The following IDH1 variants were observed in gnomAD, a reference collection of about 807,000 sequenced individuals.
IDH1 encodes isocitrate dehydrogenase [NADP] cytoplasmic.
A neutral mutation model predicts 46.1 loss-of-function variants in IDH1; 33 were observed. That is an observed-to-expected ratio of 0.72 (90% CI 0.54 to 0.96). The LOEUF (loss-of-function observed/expected upper bound fraction) is 0.96, where lower values mean the gene tolerates loss of function less well. Among genes scored for constraint, IDH1 ranks in the 40% least tolerant of loss-of-function variants. IDH1 has a pLI of 0.00. For synonymous variants in IDH1, 144 were observed against 172.8 expected (o/e 0.83, Z 1.31); for missense variants, 421 against 515.7 (o/e 0.82, Z 1.78).
At chr2:208,238,604 A>G (rs1423246147) in intron 9 of IDH1, among the ~76,000 whole-genome samples, 1 of 152,198 alleles carries the variant, frequency 6.6e-6, no homozygotes, top group African/African-American at 2.4e-5. Flanking sequence ...CACTTTTCTC[A>G]TCAGTAAGTT....
At chr2:208,249,193 CTTT>C (rs536892104) in intron 3 of IDH1, among the ~76,000 whole-genome samples, 3 of 140,766 alleles carry the variant, frequency 2.1e-5, no homozygotes, top group Admixed American at 7.1e-5. Flanking sequence ...GAGCCTTTCC[CTTT>C]TTTTTTTTTT....
At chr2:208,239,779 A>T in intron 8 of IDH1, 84 bp downstream of exon 8, 1 of 1,388,276 alleles carries the variant, frequency 7.2e-7, no homozygotes, top group Non-Finnish European at 1.0e-6. Flanking sequence ...CTTTGCACAC[A>T]AAACACTGAG....
At chr2:208,245,779 A>AC (rs71412485) in intron 4 of IDH1, among the ~76,000 whole-genome samples, 1,032 of 20,916 alleles carry the variant, frequency 0.049, 36 homozygotes, top group African/African-American at 0.1. Flanking sequence ...AGGGTATTAG[A>AC]CCCCCCCCCC....
At chr2:208,250,245 C>T (rs1216286175) in intron 3 of IDH1, among the ~76,000 whole-genome samples, 2 of 151,912 alleles carry the variant, frequency 1.3e-5, no homozygotes, top group Non-Finnish European at 2.9e-5. Context: ...AGGAAAAGAA[C>T]CCTGCCAGTT....
chr2:208,236,779 C>T lies in IDH1; in HGVS notation c.*300G>A. ...CCTTTTGAGCAATCTTGATTTTGGT[C>T]ATTTATAATTAGAACATGAGAAAAA... On this transcript the variant is annotated 3_prime_UTR_variant, in exon 10 of 10. Coordinates refer to ENST00000345146, the MANE Select transcript of IDH1 (RefSeq NM_005896.4). 2.6e-6 allele frequency: 1 copy of T among 377,990 alleles called. No homozygotes were observed. The highest frequency in any genetic ancestry group is 4.8e-6 in the Non-Finnish European group (1 of 207,462). The allele number at this position is 377,990 out of a possible 1,614,324, so 23.4% of individuals were successfully genotyped here.
rs201477228 is a variant in IDH1, at chr2:208,239,961, G to A, written c.893C>T (p.Pro298Leu). Residue 298 changes from proline to leucine, a missense_variant, in exon 8 of 10, where the codon CCA becomes CTA. Physicochemically the swap from Pro to Leu is moderately conservative, Grantham distance 98. Coordinates refer to ENST00000345146, the MANE Select transcript of IDH1 (RefSeq NM_005896.4). ...LGMMTSVLVC[P>L]DGKTVEAEAA... ...CTCTGCTTCTACTGTCTTGCCATCT[G>A]GACAAACCAGCACGCTGGTCATCAT... The A allele has an allele frequency of 6.2e-7, 1 of 1,614,140 alleles. No individual in the cohort carries two copies. Among genetic ancestry groups the A allele is most frequent in the Non-Finnish European group, 8.5e-7 (1 of 1,180,008 alleles).
chr2:208,245,455 A>G (rs751878699), intron 4 of IDH1, 31 bp from the exon 5 acceptor site: 1 of 1,199,444 alleles, frequency 8.3e-7, no homozygotes, highest in South Asian at 1.2e-5. Context: ...TATAAAGAAA[A>G]AAAAAATACC....
At position 208,240,248 on chromosome 2, in the gene IDH1, G is replaced by T. The variant is rs1369850299; in HGVS notation, c.851-245C>A. ...TTTCAGGGATACCTACTCCTTGATG[G>T]AGGGTTCAGGGTCCAACTGCCTACA... On this transcript the variant is annotated intron_variant, in intron 7 of 9. Coordinates refer to ENST00000345146, the MANE Select transcript of IDH1 (RefSeq NM_005896.4). 7.4e-6 allele frequency: 4 copies of T among 537,378 alleles called. No individual in the cohort carries two copies. In the Admixed American group the frequency reaches 8.0e-5, roughly 11 times the overall value. 33.3% of individuals were successfully genotyped at this position (537,378 alleles called of 1,614,324 possible).
rs1169606168 is a variant in IDH1 at position 208,239,857 on chromosome 2, T to C, written c.991+6A>G. On this transcript the variant is annotated splice_donor_region_variant and intron_variant, in intron 8 of 9. Coordinates refer to ENST00000345146, the MANE Select transcript of IDH1 (RefSeq NM_005896.4). ...TGGTGAGAAATCAATGTAAACACCA[T>C]CTTACCAATGGGATTGGTGGACGTC... 3 of 1,614,042 alleles carry C rather than the reference T, an allele frequency of 1.9e-6. No individual in the cohort carries two copies. The Admixed American group carries it at 5.0e-5, about 27-fold the overall frequency.
intron 6 of IDH1, 116 bp downstream of exon 6, chr2:208,243,311 A>G: frequency 1.2e-6 from 1 of 822,896 alleles, no homozygotes; most frequent in Non-Finnish European, 2.0e-6. Context: ...TTTAAGAGAC[A>G]GTGATGATTT....
chr2:208,243,420 T>C lies in IDH1; in HGVS notation c.698+7A>G. 1.2e-6 allele frequency: 2 copies of C among 1,600,352 alleles called. No homozygotes were observed. Among genetic ancestry groups the C allele is most frequent in the Non-Finnish European group, 1.7e-6 (2 of 1,167,830 alleles). On this transcript the variant is annotated splice_region_variant and intron_variant, in intron 6 of 9. Coordinates refer to ENST00000345146, the MANE Select transcript of IDH1 (RefSeq NM_005896.4). ...TAAAGAAAAAGTTAAAAAAGAACTA[T>C]AGTTACTTGTCATATATCTCCTGAA... is the stretch of plus-strand genomic sequence containing the variant.
intron 5 of IDH1, among the ~76,000 whole-genome samples, chr2:208,244,594 G>T (rs1315971091): frequency 6.6e-6 from 1 of 152,138 alleles, no homozygotes; most frequent in East Asian, 1.9e-4. Context: ...CTTAAAGATA[G>T]AACTTGAATC....
intron 8 of IDH1, among the ~76,000 whole-genome samples, chr2:208,239,516 C>G (rs2124848308): frequency 6.6e-6 from 1 of 152,304 alleles, no homozygotes; most frequent in South Asian, 2.1e-4. Context: ...ATATTGGTCT[C>G]CTTTTTCCAG....
At position 208,236,846 on chromosome 2, in the gene IDH1, T is replaced by C. The variant is rs945823245; in HGVS notation, c.*233A>G. 2 of 517,140 alleles carry C rather than the reference T, an allele frequency of 3.9e-6. No individual in the cohort carries two copies. The highest frequency in any genetic ancestry group is 3.8e-5 in the African/African-American group (2 of 52,416). 32.0% of individuals were successfully genotyped at this position (517,140 alleles called of 1,614,324 possible). A position where few individuals can be genotyped will look rare whatever the true frequency, so the allele number is the denominator to read the frequency against. ...ATGAGTACTAACCGAATTCCTAGGCTGGTACTAGAAAATAAAATAAAAATT... is the reference window on the plus strand; with the variant it reads ...ATGAGTACTAACCGAATTCCTAGGCCGGTACTAGAAAATAAAATAAAAATT... On this transcript the variant is annotated 3_prime_UTR_variant, in exon 10 of 10. Coordinates refer to ENST00000345146, the MANE Select transcript of IDH1 (RefSeq NM_005896.4).
chr2:208,248,509 A>G lies in IDH1; in HGVS notation c.274T>C (p.Trp92Arg), dbSNP rs1048933669. ...RVEEFKLKQM[W>R]KSPNGTIRNI... ...CGTATGGTGCCATTTGGTGATTTCC[A>G]CATTTGTTTCAACTTGAACTCCTCA... The change falls in exon 4 of 10, where the codon TGG becomes CGG. Residue 92 changes from tryptophan to arginine, a missense_variant. Coordinates refer to ENST00000345146, the MANE Select transcript of IDH1 (RefSeq NM_005896.4). The G allele has an allele frequency of 2.5e-6, 4 of 1,613,990 alleles. No homozygotes were observed. In the African/African-American group the frequency reaches 5.3e-5, roughly 22 times the overall value.
chr2:208,237,190 A>G (rs2124844118), intron 9 of IDH1, 21 bp from the exon 10 acceptor site: 1 of 1,417,316 alleles, frequency 7.1e-7, no homozygotes, highest in Non-Finnish European at 9.9e-7. Context: ...GGAAAAAAAA[A>G]AGAAAATTTA....
chr2:208,252,985 C>T (rs561980140), intron 2 of IDH1, among the ~76,000 whole-genome samples: 1 of 152,334 alleles, frequency 6.6e-6, no homozygotes, highest in South Asian at 2.1e-4. Flanking sequence ...TGATTCAGTT[C>T]ATGTTTGATT....
chr2:208,237,651 T>G (rs572027563), intron 9 of IDH1, among the ~76,000 whole-genome samples: 2 of 151,952 alleles, frequency 1.3e-5, no homozygotes, highest in South Asian at 4.2e-4. Context: ...CCGGGCCTGG[T>G]GGCTCACGCC....
At chr2:208,252,461 A>G (rs1359443940) in intron 2 of IDH1, among the ~76,000 whole-genome samples, 12 of 152,184 alleles carry the variant, frequency 7.9e-5, no homozygotes, top group Admixed American at 7.9e-4. Flanking sequence ...CAGAAAGTGC[A>G]AGGTTGGACG....
Sources: allele counts gnomAD v4.1 joint callset (sites outside exome capture counted in the v4.1 genomes callset), GRCh38; gene constraint gnomAD v4.1.1; transcripts MANE v1.5; gene names NCBI Gene and HGNC (gene_info 2026-07-23, HGNC 2026-07-21).